ATG5: variants seen among roughly 807,000 people sequenced by gnomAD.
ATG5 encodes the protein autophagy protein 5.
ATG5 carries 14 observed loss-of-function variants against 36.5 expected under a neutral mutation model. The ratio of observed to expected loss-of-function variants is 0.38; its 90% CI spans 0.25 to 0.60. The LOEUF (loss-of-function observed/expected upper bound fraction) is 0.60. ATG5 is among the 20% of genes least tolerant of loss of function. ATG5 has a pLI of 0.60. For synonymous variants in ATG5, 95 were observed against 101.5 expected (o/e 0.94, Z 0.38); for missense variants, 195 against 326.7 (o/e 0.60, Z 3.11).
intron 5 of ATG5, among the ~76,000 whole-genome samples, chr6:106,252,465 TG>T (rs1318453597): frequency 6.6e-6 from 1 of 152,098 alleles, no homozygotes; most frequent in Non-Finnish European, 1.5e-5. Context: ...TTAAAACACC[TG>T]GAAAAAATGT....
At chr6:106,203,485 C>G (rs1489879012) in intron 6 of ATG5, among the ~76,000 whole-genome samples, 2 of 152,186 alleles carry the variant, frequency 1.3e-5, no homozygotes, top group African/African-American at 4.8e-5. Flanking sequence ...AGAATAAAAG[C>G]ATTTTTACCT....
intron 6 of ATG5, among the ~76,000 whole-genome samples, chr6:106,224,431 G>C (rs1009764805): frequency 6.6e-6 from 1 of 152,192 alleles, no homozygotes; most frequent in Admixed American, 6.5e-5. Context: ...GATCAAAAGA[G>C]TTATTCCAAA....
intron 6 of ATG5, among the ~76,000 whole-genome samples, chr6:106,203,279 G>C (rs1356368748): frequency 6.6e-6 from 1 of 151,996 alleles, no homozygotes; most frequent in South Asian, 2.1e-4. Flanking sequence ...AGTGATGATG[G>C]AGGCTTTATC....
chr6:106,320,853 TAGC>T (rs1771039258), intron 1 of ATG5, among the ~76,000 whole-genome samples: 1 of 152,176 alleles, frequency 6.6e-6, no homozygotes, highest in Non-Finnish European at 1.5e-5. Context: ...AATTATCTGG[TAGC>T]AGTGCACAGA....
At chr6:106,227,994 C>A (rs1319300474) in intron 6 of ATG5, among the ~76,000 whole-genome samples, 2 of 152,114 alleles carry the variant, frequency 1.3e-5, no homozygotes, top group Non-Finnish European at 2.9e-5. Context: ...CAACTCAGAA[C>A]CTAAGCATAT....
At chr6:106,313,563 A>G (rs1195506844) in intron 2 of ATG5, among the ~76,000 whole-genome samples, 1 of 152,216 alleles carries the variant, frequency 6.6e-6, no homozygotes, top group Non-Finnish European at 1.5e-5. Context: ...AAACGAAAAA[A>G]TACAAATTGA....
At chr6:106,288,863 A>G (rs1780189344) in intron 4 of ATG5, among the ~76,000 whole-genome samples, 1 of 152,224 alleles carries the variant, frequency 6.6e-6, no homozygotes. Flanking sequence ...TAAAAATTAG[A>G]GGAAATATGT....
chr6:106,324,572 C>T (rs1318452776), intron 1 of ATG5, among the ~76,000 whole-genome samples: 2 of 152,084 alleles, frequency 1.3e-5, no homozygotes, highest in Admixed American at 6.5e-5. Flanking sequence ...TTGTCCAGTG[C>T]CTAACACATA....
intron 1 of ATG5, among the ~76,000 whole-genome samples, chr6:106,322,480 A>G (rs1181751787): frequency 6.6e-6 from 1 of 152,126 alleles, no homozygotes; most frequent in Non-Finnish European, 1.5e-5. Flanking sequence ...TAGTCCATTT[A>G]TTCTCCCACT....
At chr6:106,286,733 A>G (rs939296928) in intron 4 of ATG5, among the ~76,000 whole-genome samples, 3 of 152,224 alleles carry the variant, frequency 2.0e-5, no homozygotes, top group Admixed American at 2.0e-4. Flanking sequence ...GCAAGTAGGC[A>G]TGTTGGGAAA....
intron 1 of ATG5, among the ~76,000 whole-genome samples, chr6:106,323,945 G>A (rs146683865): frequency 5.3e-5 from 8 of 152,018 alleles, no homozygotes; most frequent in South Asian, 2.1e-4. Context: ...GCTAGTATGC[G>A]CCTGCTTCAG....
At chr6:106,265,498 T>C (rs1487765351) in intron 5 of ATG5, among the ~76,000 whole-genome samples, 1 of 152,112 alleles carries the variant, frequency 6.6e-6, no homozygotes, top group Non-Finnish European at 1.5e-5. Context: ...CTGGACCAAG[T>C]GGACCTAATA....
intron 3 of ATG5, among the ~76,000 whole-genome samples, chr6:106,306,233 A>G (rs913810270): frequency 1.6e-4 from 25 of 152,370 alleles, no homozygotes; most frequent in African/African-American, 5.8e-4. Context: ...TTTTGCAGTG[A>G]CAAGGAGAAA....
intron 2 of ATG5, among the ~76,000 whole-genome samples, chr6:106,314,532 C>A (rs944209805): frequency 6.6e-6 from 1 of 152,162 alleles, no homozygotes; most frequent in South Asian, 2.1e-4. Flanking sequence ...CCCCTCCAGC[C>A]TGGGCAACAG....
intron 5 of ATG5, among the ~76,000 whole-genome samples, chr6:106,272,590 A>C (rs1290370768): frequency 1.3e-5 from 2 of 152,160 alleles, no homozygotes; most frequent in African/African-American, 2.4e-5. Context: ...TCCAGTTATA[A>C]ATGTAACAAT....
chr6:106,250,060 T>C (rs1316008260), intron 5 of ATG5, among the ~76,000 whole-genome samples: 2 of 152,208 alleles, frequency 1.3e-5, no homozygotes, highest in African/African-American at 4.8e-5. Flanking sequence ...AACTCCTTTT[T>C]TTTTAACTCA....
At chr6:106,232,348 T>C (rs1009879123) in intron 6 of ATG5, among the ~76,000 whole-genome samples, 4 of 152,160 alleles carry the variant, frequency 2.6e-5, no homozygotes, top group Non-Finnish European at 4.4e-5. Context: ...ACTTCACTCT[T>C]TTCACATGCT....
chr6:106,228,087 G>A (rs913269289), intron 6 of ATG5, among the ~76,000 whole-genome samples: 13 of 152,130 alleles, frequency 8.5e-5, no homozygotes, highest in Admixed American at 3.9e-4. Flanking sequence ...AAACTTTCAG[G>A]AGTTTCACCA....
chr6:106,324,045 C>A (rs529245603), intron 1 of ATG5, among the ~76,000 whole-genome samples: 2 of 152,266 alleles, frequency 1.3e-5, no homozygotes, highest in Admixed American at 1.3e-4. Flanking sequence ...GCCACCACTC[C>A]CATCTCTTGG....
Sources: gnomAD v4.1 joint callset for allele counts (sites outside exome capture counted in the v4.1 genomes callset) on GRCh38, gnomAD v4.1.1 for gene constraint, MANE v1.5 for transcripts, NCBI Gene and HGNC (gene_info 2026-07-23, HGNC 2026-07-21) for gene names.